The following IFT43 variants were observed in gnomAD, a reference collection of about 807,000 sequenced individuals.
IFT43 encodes the protein intraflagellar transport protein 43 homolog.
In IFT43, 33 loss-of-function variants were observed where a neutral mutation model predicts 32.3. The ratio of observed to expected loss-of-function variants is 1.02; its 90% CI spans 0.77 to 1.37. IFT43 has a LOEUF of 1.37. Ranked by LOEUF, IFT43 falls within the 40% of genes most tolerant of loss-of-function variation. The pLI, the probability that IFT43 is intolerant of heterozygous loss-of-function variation, is 0.00. For missense variants in IFT43, 274 were observed against 265.9 expected (o/e 1.03, Z -0.21); for synonymous variants, 93 against 98.2 (o/e 0.95, Z 0.31).
intron 3 of IFT43, among the ~76,000 whole-genome samples, chr14:76,027,251 C>T (rs2036415552): frequency 6.6e-6 from 1 of 152,098 alleles, no homozygotes; most frequent in South Asian, 2.1e-4. Flanking sequence ...TAAAAAAAAC[C>T]AAAATACCAT....
chr14:76,063,105 C>A (rs141432328), intron 5 of IFT43, among the ~76,000 whole-genome samples: 244 of 152,228 alleles, frequency 1.6e-3, no homozygotes, highest in Admixed American at 3.6e-3. Context: ...CCTGGTTGTT[C>A]AATAAGATCT....
At position 76,031,076 on chromosome 14, in the gene IFT43, CAT is replaced by C. The variant is rs373326451; in HGVS notation, c.215+8688_215+8689del. Among the ~76,000 whole-genome samples the C allele has an allele frequency of 1.3e-3, 186 of 147,452 alleles. 5 individuals carry two copies. The South Asian group carries it at 0.037, about 29-fold the overall frequency. The stretch of plus-strand genomic sequence containing the variant: ...AAAATTATATAATTTATATAATATA[CAT>C]ATATAAATTATATATGTATATATAA... On this transcript the variant is annotated intron_variant, in intron 3 of 8. Transcript: ENST00000314067.
chr14:76,042,056 A>G (rs1049525331), intron 3 of IFT43, among the ~76,000 whole-genome samples: 7 of 152,174 alleles, frequency 4.6e-5, no homozygotes, highest in Middle Eastern at 3.4e-3. Flanking sequence ...TGCAGAACCC[A>G]TTTGTGGAGA....
Position 76,060,534 on chromosome 14 carries a change from CT to C in IFT43, c.295+1171del, listed in dbSNP as rs35513401. On this transcript the variant is annotated intron_variant, in intron 5 of 8. Transcript: ENST00000314067. ...GCGCCCGGCCCCAAATTGTCAAAGCCTTTTTTTTTTAGACACACTTATTTAT... is the reference window on the plus strand; with the variant it reads ...GCGCCCGGCCCCAAATTGTCAAAGCCTTTTTTTTTAGACACACTTATTTAT... Among the ~76,000 whole-genome samples, 187 of 148,776 alleles carry C rather than the reference CT, an allele frequency of 1.3e-3. 5 individuals carry two copies. The South Asian group carries it at 0.036, about 28-fold the overall frequency.
intron 5 of IFT43, among the ~76,000 whole-genome samples, chr14:76,067,896 A>C (rs1346030938): frequency 6.6e-6 from 1 of 152,242 alleles, no homozygotes; most frequent in Admixed American, 6.5e-5. Flanking sequence ...ATAATTTTTA[A>C]AAACACTTTA....
intron 2 of IFT43, among the ~76,000 whole-genome samples, chr14:76,019,505 C>T (rs2036251916): frequency 6.7e-6 from 1 of 150,362 alleles, no homozygotes; most frequent in African/African-American, 2.5e-5. Flanking sequence ...TGAATTTTAT[C>T]TTTGTCTTTG....
chr14:76,076,891 C>G (rs1024357098), intron 5 of IFT43, among the ~76,000 whole-genome samples: 1 of 151,960 alleles, frequency 6.6e-6, no homozygotes, highest in Non-Finnish European at 1.5e-5. Flanking sequence ...CTATAAGTTT[C>G]TATTTATTTA....
chr14:76,074,056 T>TGCTCC (rs1363971593), intron 5 of IFT43, among the ~76,000 whole-genome samples: 1 of 152,192 alleles, frequency 6.6e-6, no homozygotes, highest in Non-Finnish European at 1.5e-5. Flanking sequence ...GGAGCATTTT[T>TGCTCC]TTAATAAATA....
chr14:75,986,035 T>C, intron 1 of IFT43, 195 bp downstream of exon 1: 2 of 1,523,584 alleles, frequency 1.3e-6, no homozygotes, highest in South Asian at 1.2e-5. Flanking sequence ...TGGGGTTTGC[T>C]TTCTTTAAAA....
At chr14:76,047,570 A>C (rs1051484588) in intron 3 of IFT43, among the ~76,000 whole-genome samples, 2 of 152,200 alleles carry the variant, frequency 1.3e-5, no homozygotes, top group African/African-American at 4.8e-5. Flanking sequence ...TAAGAAAAAG[A>C]GAAACAGAAC....
chr14:76,047,272 C>T (rs909138260), intron 3 of IFT43, among the ~76,000 whole-genome samples: 9 of 152,156 alleles, frequency 5.9e-5, no homozygotes, highest in African/African-American at 9.7e-5. Flanking sequence ...GAGCTCAGCA[C>T]GTATACCTTG....
At position 76,022,327 on chromosome 14, in the gene IFT43, A is replaced by G. The variant is rs2036306570; in HGVS notation, c.148A>G (p.Thr50Ala). ...KNSSLTLTGETSSAKLPRCRQ... is the reference protein window; with the variant it reads ...KNSSLTLTGEASSAKLPRCRQ... ...TCTTTTGACTTCTCTTTCCTTGTAG[A>G]CTTCCTCTGCTAAATTACCTCGCTG... Residue 50 changes from threonine to alanine, a missense_variant and splice_region_variant, in exon 3 of 9, where the codon ACT becomes GCT. Physicochemically the swap from Thr to Ala is moderately conservative, Grantham distance 58 (BLOSUM62 0). Transcript: ENST00000314067. 1.2e-6 allele frequency: 2 copies of G among 1,612,666 alleles called. No homozygotes were observed. Among genetic ancestry groups the G allele is most frequent in the African/African-American group, 2.7e-5 (2 of 74,892 alleles).
chr14:76,070,764 G>A (rs1034133521), intron 5 of IFT43, among the ~76,000 whole-genome samples: 1 of 151,768 alleles, frequency 6.6e-6, no homozygotes, highest in Non-Finnish European at 1.5e-5. Flanking sequence ...AGTGTGTGGC[G>A]CCTCCCCACC....
chr14:75,999,281 A>ATATATATATATTTTTTTTTTT (rs1566699821), intron 2 of IFT43, among the ~76,000 whole-genome samples: 1 of 39,064 alleles, frequency 2.6e-5, no homozygotes, highest in African/African-American at 1.2e-4. Context: ...ATGTATATAT[A>ATATATATATATTTTTTTTTTT]TTTTTTTTTT....
chr14:75,990,020 ATTACT>A (rs2035606201), intron 2 of IFT43, among the ~76,000 whole-genome samples: 1 of 152,226 alleles, frequency 6.6e-6, no homozygotes, highest in Non-Finnish European at 1.5e-5. Flanking sequence ...ATGGAGAATC[ATTACT>A]TTAAGATAAC....
intron 3 of IFT43, among the ~76,000 whole-genome samples, chr14:76,047,658 AGG>A (rs2036833300): frequency 6.6e-6 from 1 of 151,786 alleles, no homozygotes; most frequent in South Asian, 2.1e-4. Flanking sequence ...TAATTGAAAA[AGG>A]GAAGAGGCAG....
intron 6 of IFT43, 85 bp from the exon 7 acceptor site, chr14:76,082,532 C>T (rs1312323953): frequency 3.3e-6 from 5 of 1,509,628 alleles, no homozygotes; most frequent in Non-Finnish European, 4.6e-6. Context: ...CTGCTGTATA[C>T]AAGGTTCTGG....
rs2037543503 is a variant in IFT43, at chr14:76,083,129, A to G, written c.445-98A>G. On this transcript the variant is annotated intron_variant, in intron 7 of 8. Transcript: ENST00000314067. Reference sequence around the variant, plus strand: ...CATTCCTGCAGGTCTCAGTTTGGGAAGTTCTGACACACAAAAACTGATCCC... The same window carrying G: ...CATTCCTGCAGGTCTCAGTTTGGGAGGTTCTGACACACAAAAACTGATCCC... 4 of 1,290,232 alleles carry G rather than the reference A, an allele frequency of 3.1e-6. No individual in the cohort carries two copies. The African/African-American group carries it at 4.4e-5, about 14-fold the overall frequency. 79.9% of individuals were successfully genotyped at this position (1,290,232 alleles called of 1,614,324 possible).
chr14:76,038,131 G>A (rs1280741631), intron 3 of IFT43: 1 of 152,230 alleles, frequency 6.6e-6, no homozygotes, highest in Non-Finnish European at 1.5e-5. Context: ...GGCAACGTGG[G>A]TTCTTAACTG....
Sources: allele counts gnomAD v4.1 joint callset (sites outside exome capture counted in the v4.1 genomes callset), GRCh38; gene constraint gnomAD v4.1.1; transcripts MANE v1.5; gene names NCBI Gene and HGNC (gene_info 2026-07-23, HGNC 2026-07-21).